IL18RAP: variants seen among roughly 807,000 people sequenced by gnomAD.
IL18RAP encodes the protein interleukin 18 receptor accessory protein.
Under a neutral mutation model 58.1 loss-of-function variants are expected in IL18RAP, and 37 were observed. The observed-to-expected ratio is 0.64, with a 90% CI of 0.49 to 0.84. IL18RAP has a LOEUF of 0.84. Ranked by LOEUF, IL18RAP falls within the 40% of genes least tolerant of loss-of-function variation. IL18RAP has a pLI of 0.00. For synonymous variants in IL18RAP, 268 were observed against 257.5 expected, an observed-to-expected ratio of 1.04 and a Z score of -0.39; for missense variants, 667 against 704.8, an observed-to-expected ratio of 0.95 and a Z score of 0.61.
chr2:102,418,815 T>C (rs1307267150), upstream of IL18RAP: 2 of 152,334 alleles, frequency 1.3e-5, no homozygotes, highest in Non-Finnish European at 2.9e-5. Context: ...GGAAGAAATA[T>C]AGTAGAACCC....
intron 8 of IL18RAP, among the ~76,000 whole-genome samples, chr2:102,450,398 A>T (rs11465730): frequency 6.6e-6 from 1 of 151,870 alleles, no homozygotes; most frequent in Non-Finnish European, 1.5e-5. Context: ...ACATATCAGC[A>T]TATGGGCCAT....
At chr2:102,430,959 C>A (rs1682309452) in intron 3 of IL18RAP, among the ~76,000 whole-genome samples, 1 of 152,042 alleles carries the variant, frequency 6.6e-6, no homozygotes, top group African/African-American at 2.4e-5. Flanking sequence ...TGATAAATTG[C>A]TTTATATACC....
At chr2:102,427,805 T>G (rs573672913) in intron 3 of IL18RAP, among the ~76,000 whole-genome samples, 10 of 152,134 alleles carry the variant, frequency 6.6e-5, no homozygotes, top group African/African-American at 2.4e-4. Context: ...CCCTCTATGT[T>G]TTCTTTTAGA....
At chr2:102,446,998 C>A (rs1390410041) in intron 7 of IL18RAP, 72 bp from the exon 8 acceptor site, 15 of 1,498,612 alleles carry the variant, frequency 1.0e-5, no homozygotes, top group Non-Finnish European at 1.3e-5. Context: ...TGGGCCATAG[C>A]GCCGGCCTGA....
intron 4 of IL18RAP, chr2:102,439,228 C>T (rs1009093509): frequency 5.3e-5 from 8 of 152,040 alleles, no homozygotes; most frequent in Admixed American, 3.9e-4. Flanking sequence ...TTTGCTGGGT[C>T]GGAAGTGGGT....
At chr2:102,421,883 G>A (rs1681596348), upstream of IL18RAP, among the ~76,000 whole-genome samples, 1 of 152,076 alleles carries the variant, frequency 6.6e-6, no homozygotes, top group East Asian at 1.9e-4. Flanking sequence ...TGGTATCAGG[G>A]ACCCCACTTC....
Position 102,447,206 on chromosome 2 carries a change from G to A in IL18RAP, c.1209G>A (p.Gly403=). The change falls in exon 8 of 10, where the codon GGG becomes GGA. Residue 403 remains glycine (G), a splice_region_variant and synonymous_variant. Coordinates refer to ENST00000687160, the MANE Select transcript of IL18RAP (RefSeq NM_001393487.1). ...RTYQSKDQTL[G]DKKDFDAFVS... The stretch of plus-strand genomic sequence containing the variant: ...ACCAGAGCAAGGATCAGACGCTTGG[G>A]GGTAAGTTTACCTCCACATGCAGCC... 1.2e-6 allele frequency: 2 copies of A among 1,613,032 alleles called. No individual in the cohort carries two copies. Among genetic ancestry groups the A allele is most frequent in the Admixed American group, 1.7e-5 (1 of 59,948 alleles).
At chr2:102,442,367 TA>T (rs1683157545) in intron 5 of IL18RAP, among the ~76,000 whole-genome samples, 1 of 152,058 alleles carries the variant, frequency 6.6e-6, no homozygotes, top group South Asian at 2.1e-4. Flanking sequence ...GAAAGAAACA[TA>T]AAAATACATG....
At chr2:102,430,128 T>G (rs1682238966) in intron 3 of IL18RAP, among the ~76,000 whole-genome samples, 1 of 152,044 alleles carries the variant, frequency 6.6e-6, no homozygotes, top group Non-Finnish European at 1.5e-5. Flanking sequence ...TATTTTCTGT[T>G]TAAATGAGCT....
chr2:102,449,062 A>AG (rs11378157), intron 8 of IL18RAP, among the ~76,000 whole-genome samples: 117,344 of 151,106 alleles, frequency 0.78, 46,569 homozygotes, highest in African/African-American at 0.9. Context: ...TGAAGTCTGG[A>AG]TTTGAGATCA....
chr2:102,430,395 T>C (rs1029260333), intron 3 of IL18RAP, among the ~76,000 whole-genome samples: 2 of 152,026 alleles, frequency 1.3e-5, no homozygotes, highest in African/African-American at 4.8e-5. Context: ...CTCTTGGTTT[T>C]GGTTTGTATG....
chr2:102,437,904 A>C (rs1682856100), intron 4 of IL18RAP, among the ~76,000 whole-genome samples: 1 of 152,204 alleles, frequency 6.6e-6, no homozygotes, highest in African/African-American at 2.4e-5. Flanking sequence ...TTGAGTTATG[A>C]AATATGTTTG....
upstream of IL18RAP, among the ~76,000 whole-genome samples, chr2:102,420,087 A>C (rs1339929965): frequency 6.6e-6 from 1 of 152,216 alleles, no homozygotes; most frequent in Non-Finnish European, 1.5e-5. Flanking sequence ...TTCAAAAGGT[A>C]GATATTAACA....
chr2:102,446,797 A>C (rs1028616749), intron 7 of IL18RAP, among the ~76,000 whole-genome samples: 1 of 146,754 alleles, frequency 6.8e-6, no homozygotes, highest in Non-Finnish European at 1.5e-5. Context: ...TCCGTCTCCA[A>C]AAAAAAAAAA....
chr2:102,423,855 G>A lies in IL18RAP; in HGVS notation c.115G>A (p.Glu39Lys). The A allele has an allele frequency of 6.2e-7, 1 of 1,613,974 alleles. No individual in the cohort carries two copies. The highest frequency in any genetic ancestry group is 1.3e-5 in the African/African-American group (1 of 75,032). ...KLLWTYSTRS[E>K]EEFVLFCDLP... ...CCTTTGGACATATTCTACAAGGAGT[G>A]AAGAGGAATTTGTCTTATTTTGTGA... Residue 39 changes from glutamate to lysine, a missense_variant, in exon 2 of 10, where the codon GAA becomes AAA. Physicochemically the swap from Glu to Lys is moderately conservative, Grantham distance 56. Coordinates refer to ENST00000687160, the MANE Select transcript of IL18RAP (RefSeq NM_001393487.1).
Position 102,445,254 on chromosome 2 carries a change from G to A in IL18RAP, c.986G>A (p.Arg329His), listed in dbSNP as rs748359794. ...RNIILEKVTQ[R>H]DLRRKFVCFV... ...ATCATCTTGGAAAAAGTCACTCAGCGTGATCTTCGCAGGAAGTTTGTTTGC... is the reference window on the plus strand; with the variant it reads ...ATCATCTTGGAAAAAGTCACTCAGCATGATCTTCGCAGGAAGTTTGTTTGC... Residue 329 changes from arginine (R) to histidine (H), a missense_variant, in exon 7 of 10, where the codon CGT becomes CAT. Transcript: ENST00000687160. 1.1e-5 allele frequency: 17 copies of A among 1,613,946 alleles called. No homozygotes were observed. In the Admixed American group the frequency reaches 1.5e-4, roughly 14 times the overall value.
At chr2:102,439,369 T>G (rs939421173) in intron 4 of IL18RAP, 1 of 152,272 alleles carries the variant, frequency 6.6e-6, no homozygotes, top group African/African-American at 2.4e-5. Context: ...TGGAAATGTT[T>G]AAGAGGTACA....
intron 8 of IL18RAP, 33 bp from the exon 9 acceptor site, chr2:102,450,815 A>G (rs766466483): frequency 3.5e-6 from 5 of 1,429,998 alleles, no homozygotes; most frequent in Admixed American, 4.2e-5. Context: ...AGAGTAAATG[A>G]CTTATGTTTT....
At chr2:102,451,460 C>T (rs1683760726) in intron 9 of IL18RAP, among the ~76,000 whole-genome samples, 2 of 152,212 alleles carry the variant, frequency 1.3e-5, no homozygotes, top group Admixed American at 1.3e-4. Flanking sequence ...TCCTCCTCCT[C>T]AGATACCCCC....
Sources: gnomAD v4.1 joint callset for allele counts (sites outside exome capture counted in the v4.1 genomes callset) on GRCh38, gnomAD v4.1.1 for gene constraint, MANE v1.5 for transcripts, NCBI Gene and HGNC (gene_info 2026-07-23, HGNC 2026-07-21) for gene names.